PATJ: variants seen among roughly 807,000 people sequenced by gnomAD.
PATJ encodes inaD-like protein.
A neutral mutation model predicts 224.9 loss-of-function variants in PATJ; 190 were observed. The ratio of observed to expected loss-of-function variants is 0.84; its 90% confidence interval spans 0.75 to 0.95. The LOEUF (loss-of-function observed/expected upper bound fraction) is 0.95, where lower values mean the gene tolerates loss of function less well. PATJ is among the 40% of genes least tolerant of loss of function. PATJ has a pLI of 0.00. For synonymous variants in PATJ, 769 were observed against 820.3 expected (o/e 0.94, Z 1.07); for missense variants, 2,121 against 2,270.3 (o/e 0.93, Z 1.34).
At chr1:61,762,675 C>G (rs2148291251) in intron 1 of PATJ, among the ~76,000 whole-genome samples, 183 bp from the exon 2 acceptor site, 1 of 152,220 alleles carries the variant, frequency 6.6e-6, no homozygotes, top group South Asian at 2.1e-4. Context: ...TTAGTGTTGT[C>G]TGTTTTTAAA....
rs746922852 is a variant in PATJ, at chr1:61,884,414, A to C, written c.3131+6A>C. The C allele has an allele frequency of 7.4e-7, 1 of 1,352,280 alleles. No homozygotes were observed. Among genetic ancestry groups the C allele is most frequent in the Non-Finnish European group, 1.0e-6 (1 of 1,001,758 alleles). 83.8% of individuals were successfully genotyped at this position (1,352,280 alleles called of 1,614,324 possible). On this transcript the variant is annotated splice_donor_region_variant and intron_variant, in intron 22 of 43. Transcript: ENST00000642238. ...AGATATGCCACTGATACATGGTATG[A>C]TATCATTTCTCTTTGTTTTCACATT... is the stretch of plus-strand genomic sequence containing the variant.
intron 9 of PATJ, among the ~76,000 whole-genome samples, chr1:61,795,099 T>TAAAAAA (rs78496504): frequency 2.0e-5 from 2 of 101,202 alleles, no homozygotes; most frequent in Admixed American, 1.1e-4. Flanking sequence ...ATAGTGATGG[T>TAAAAAA]AAAAAAAAAA....
intron 41 of PATJ, 61 bp downstream of exon 41, chr1:62,129,006 T>G: frequency 2.8e-6 from 3 of 1,063,562 alleles, no homozygotes; most frequent in East Asian, 2.4e-5. Context: ...CAAAAAAGAT[T>G]GAGCGTCACT....
At chr1:61,939,357 G>GAC (rs61115372) in intron 27 of PATJ, among the ~76,000 whole-genome samples, 118,881 of 146,380 alleles carry the variant, frequency 0.81, 48,556 homozygotes, top group Admixed American at 0.87. Flanking sequence ...TCAGAAGAAA[G>GAC]ACACACACAC....
intron 27 of PATJ, among the ~76,000 whole-genome samples, chr1:61,981,720 G>A (rs996203296): frequency 4.7e-5 from 7 of 150,160 alleles, no homozygotes; most frequent in Non-Finnish European, 8.9e-5. Flanking sequence ...CGCCCAGGTT[G>A]GAGTGCAGTG....
intron 31 of PATJ, among the ~76,000 whole-genome samples, chr1:62,069,248 G>A (rs1656997579): frequency 6.6e-6 from 1 of 152,196 alleles, no homozygotes; most frequent in African/African-American, 2.4e-5. Context: ...TTAAGAGCAA[G>A]GGCTCTGCAG....
intron 1 of PATJ, among the ~76,000 whole-genome samples, chr1:61,757,656 G>A (rs1202357541): frequency 6.6e-6 from 1 of 152,122 alleles, no homozygotes; most frequent in African/African-American, 2.4e-5. Context: ...AAAGTGCTAG[G>A]TTTAGAGGCA....
At position 61,908,430 on chromosome 1, in the gene PATJ, A is replaced by G. The variant is rs1283600172; in HGVS notation, c.3440A>G (p.Asn1147Ser). 9.9e-6 allele frequency: 16 copies of G among 1,613,978 alleles called. No homozygotes were observed. The highest frequency in any genetic ancestry group is 1.3e-5 in the African/African-American group (1 of 74,952). Residue 1147 changes from asparagine to serine, a missense_variant, in exon 25 of 44, where the codon AAT (asparagine) becomes AGT (serine). By Grantham distance (46) the Asn-to-Ser change is conservative (BLOSUM62 1). Coordinates refer to ENST00000642238, the MANE Select transcript of PATJ (RefSeq NM_001350145.3). ...SHSEAVEAIKNAGNPVVFIVQ... is the reference protein window; with the variant it reads ...SHSEAVEAIKSAGNPVVFIVQ... ...AGCGAAGCAGTTGAGGCCATTAAGA[A>G]TGCAGGAAACCCTGTGGTGTTCATT... is the stretch of plus-strand genomic sequence containing the variant.
chr1:61,813,410 T>C (rs1037537593), intron 14 of PATJ, among the ~76,000 whole-genome samples: 8 of 145,304 alleles, frequency 5.5e-5, no homozygotes, highest in Non-Finnish European at 9.0e-5. Flanking sequence ...TACACACATA[T>C]ACATATTTGT....
At chr1:61,899,723 C>G in intron 23 of PATJ, 69 bp downstream of exon 23, 1 of 1,048,406 alleles carries the variant, frequency 9.5e-7, no homozygotes, top group Middle Eastern at 2.1e-4. Flanking sequence ...TTTAACTTAA[C>G]AGAACATTAT....
chr1:61,781,311 C>T (rs1647282263), intron 7 of PATJ, among the ~76,000 whole-genome samples: 1 of 152,186 alleles, frequency 6.6e-6, no homozygotes, highest in African/African-American at 2.4e-5. Context: ...AAGGCCTAGC[C>T]ATAGGGGACA....
intron 27 of PATJ, among the ~76,000 whole-genome samples, chr1:61,935,431 G>A (rs949298393): frequency 1.7e-4 from 26 of 152,104 alleles, no homozygotes; most frequent in Middle Eastern, 6.8e-3. Flanking sequence ...AAAAGACCTG[G>A]TCATCTTATA....
At chr1:62,137,212 A>G (rs979169328) in intron 41 of PATJ, among the ~76,000 whole-genome samples, 43 of 151,796 alleles carry the variant, frequency 2.8e-4, no homozygotes, top group African/African-American at 9.9e-4. Context: ...ATTAAATGCA[A>G]CATGGAGGCA....
chr1:61,944,762 G>C lies in PATJ; in HGVS notation c.3670+16933G>C, dbSNP rs557852051. Among the ~76,000 whole-genome samples the C allele has an allele frequency of 2.6e-4, 40 of 152,176 alleles. No individual in the cohort carries two copies. In the South Asian group the frequency reaches 8.3e-3, roughly 32 times the overall value. ...TACTCCTCAAGAAGAGCAACCCCAA[G>C]ACACAAAATTGTCAGATTCACCGAA... On this transcript the variant is annotated intron_variant, in intron 27 of 43. Coordinates refer to ENST00000642238, the MANE Select transcript of PATJ (RefSeq NM_001350145.3).
chr1:61,911,124 A>G (rs1298016193), intron 25 of PATJ, among the ~76,000 whole-genome samples: 1 of 152,160 alleles, frequency 6.6e-6, no homozygotes, highest in African/African-American at 2.4e-5. Flanking sequence ...CAACACTATG[A>G]ATTGAGCGGT....
chr1:62,021,444 A>G (rs1647075114), intron 29 of PATJ, among the ~76,000 whole-genome samples: 1 of 152,184 alleles, frequency 6.6e-6, no homozygotes. Context: ...TGGTCATTCA[A>G]TTACAGTGTG....
At chr1:62,123,447 C>T (rs1570698657) in intron 39 of PATJ, among the ~76,000 whole-genome samples, 1 of 131,690 alleles carries the variant, frequency 7.6e-6, no homozygotes, top group Admixed American at 8.0e-5. Flanking sequence ...AGTACTCCAT[C>T]TTATGAATGT....
chr1:62,126,798 C>T (rs1461725824), intron 39 of PATJ, among the ~76,000 whole-genome samples: 4 of 152,030 alleles, frequency 2.6e-5, no homozygotes, highest in Admixed American at 2.0e-4. Context: ...AAGTCTGCAT[C>T]GGAATTGGCC....
At chr1:61,830,468 C>A (rs1016835046) in intron 16 of PATJ, among the ~76,000 whole-genome samples, 1 of 18,696 alleles carries the variant, frequency 5.3e-5, no homozygotes, top group Non-Finnish European at 2.2e-4. Flanking sequence ...ATTTCTGTGA[C>A]ATTTTTCACC....
Sources: gnomAD v4.1 joint callset for allele counts (sites outside exome capture counted in the v4.1 genomes callset) on GRCh38, gnomAD v4.1.1 for gene constraint, MANE v1.5 for transcripts, NCBI Gene and HGNC (gene_info 2026-07-23, HGNC 2026-07-21) for gene names.